The following PDE4D variants were observed in gnomAD, a reference collection of about 807,000 sequenced individuals.
PDE4D encodes the protein phosphodiesterase 4D, also known as 3',5'-cyclic-AMP phosphodiesterase 4D.
In PDE4D, 24 loss-of-function variants were observed where a neutral mutation model predicts 87.4. The observed-to-expected ratio is 0.27, with a 90% confidence interval of 0.20 to 0.39. The LOEUF (loss-of-function observed/expected upper bound fraction) is 0.39. PDE4D is among the 10% of genes least tolerant of loss of function. The probability of loss-of-function intolerance (pLI) is 1.00; values close to 1 mark genes in which losing one functional copy is unlikely to be tolerated. For missense variants in PDE4D, 714 were observed against 1,041.0 expected, an observed-to-expected ratio of 0.69 and a Z score of 4.32; for synonymous variants, 384 against 383.2, an observed-to-expected ratio of 1.00 and a Z score of -0.02.
At chr5:59,504,690 T>C (rs930872492) in intron 1 of PDE4D, among the ~76,000 whole-genome samples, 1 of 152,100 alleles carries the variant, frequency 6.6e-6, no homozygotes, top group Non-Finnish European at 1.5e-5. Flanking sequence ...CCTTTGGTGA[T>C]GGTGGGAAAT....
At chr5:60,031,994 T>G (rs1321661359) in intron 2 of PDE4D, among the ~76,000 whole-genome samples, 1 of 152,232 alleles carries the variant, frequency 6.6e-6, no homozygotes, top group Non-Finnish European at 1.5e-5. Context: ...AGCGCTTTAT[T>G]ATCAACTGGT....
At chr5:59,895,590 C>T (rs1349082073), upstream of PDE4D, among the ~76,000 whole-genome samples, 1 of 152,204 alleles carries the variant, frequency 6.6e-6, no homozygotes, top group African/African-American at 2.4e-5. Flanking sequence ...TTTTCCCAAA[C>T]ACAAAAGGAG....
chr5:59,494,094 A>G (rs901123287), intron 1 of PDE4D, among the ~76,000 whole-genome samples: 3 of 152,244 alleles, frequency 2.0e-5, no homozygotes, highest in Non-Finnish European at 4.4e-5. Flanking sequence ...TTGACAGTTT[A>G]TGCTGTGATA....
At chr5:59,706,076 T>A (rs298093) in intron 1 of PDE4D, among the ~76,000 whole-genome samples, 64,585 of 151,942 alleles carry the variant, frequency 0.43, 14,380 homozygotes, top group East Asian at 0.69. Flanking sequence ...TTCAGAGATT[T>A]TTTTATGTTT....
chr5:59,640,734 C>T (rs1361349259), intron 1 of PDE4D, among the ~76,000 whole-genome samples: 1 of 152,204 alleles, frequency 6.6e-6, no homozygotes. Context: ...AATATGTGTG[C>T]AATGCAAGCC....
At chr5:59,637,552 G>C (rs182214568) in intron 1 of PDE4D, among the ~76,000 whole-genome samples, 55 of 151,912 alleles carry the variant, frequency 3.6e-4, no homozygotes, top group African/African-American at 1.3e-3. Flanking sequence ...ATACACCATG[G>C]AATACTTTGC....
chr5:59,424,085 G>A (rs2153628557), intron 1 of PDE4D, among the ~76,000 whole-genome samples: 1 of 152,168 alleles, frequency 6.6e-6, no homozygotes, highest in East Asian at 1.9e-4. Context: ...CTGAGGGAGA[G>A]GAAGCACTTA....
chr5:60,107,030 G>A (rs1473450634), intron 2 of PDE4D, among the ~76,000 whole-genome samples: 1 of 151,876 alleles, frequency 6.6e-6, no homozygotes, highest in Non-Finnish European at 1.5e-5. Context: ...GAAGGAAATA[G>A]AGACACAAAA....
chr5:59,670,732 T>G (rs1044670146), intron 1 of PDE4D, among the ~76,000 whole-genome samples: 14 of 152,198 alleles, frequency 9.2e-5, no homozygotes, highest in African/African-American at 2.9e-4. Context: ...AATGTAATTA[T>G]AATAAAGTGG....
At chr5:60,309,851 T>A (rs1433695571) in intron 1 of PDE4D, among the ~76,000 whole-genome samples, 1 of 152,236 alleles carries the variant, frequency 6.6e-6, no homozygotes, top group East Asian at 1.9e-4. Context: ...GGCCAAATTA[T>A]TAAGCATAAG....
intron 1 of PDE4D, among the ~76,000 whole-genome samples, chr5:59,841,163 G>T (rs945413964): frequency 6.6e-6 from 1 of 152,050 alleles, no homozygotes; most frequent in Non-Finnish European, 1.5e-5. Flanking sequence ...AGGACAGTGG[G>T]GACTTCTAAG....
At chr5:59,656,685 C>T (rs1490965340) in intron 1 of PDE4D, among the ~76,000 whole-genome samples, 4 of 152,060 alleles carry the variant, frequency 2.6e-5, no homozygotes, top group Non-Finnish European at 5.9e-5. Flanking sequence ...AACTTTGAAA[C>T]GTCAGCATAT....
chr5:59,845,746 A>G (rs1052205022), intron 1 of PDE4D, among the ~76,000 whole-genome samples: 2 of 152,080 alleles, frequency 1.3e-5, no homozygotes, highest in African/African-American at 4.8e-5. Flanking sequence ...ATGGAACCTG[A>G]TTCTATATAC....
At chr5:59,446,256 A>G (rs138932327) in intron 1 of PDE4D, among the ~76,000 whole-genome samples, 2,399 of 152,224 alleles carry the variant, frequency 0.016, 81 homozygotes, top group African/African-American at 0.055. Context: ...TAATTTTAAC[A>G]CTTATAAGTG....
At chr5:59,170,800 A>T (rs986084253) in intron 5 of PDE4D, among the ~76,000 whole-genome samples, 3 of 152,098 alleles carry the variant, frequency 2.0e-5, no homozygotes, top group Admixed American at 2.0e-4. Flanking sequence ...TAGAATTCAC[A>T]CATTATTTAG....
intron 6 of PDE4D, among the ~76,000 whole-genome samples, chr5:59,013,657 C>T (rs1043670721): frequency 2.0e-5 from 3 of 152,052 alleles, no homozygotes; most frequent in Non-Finnish European, 4.4e-5. Flanking sequence ...TAATTAAGAG[C>T]CTACCAACCA....
chr5:59,756,434 G>C (rs1301009669), intron 1 of PDE4D, among the ~76,000 whole-genome samples: 1 of 151,434 alleles, frequency 6.6e-6, no homozygotes, highest in African/African-American at 2.4e-5. Context: ...TATTGTGACA[G>C]AATAATAAGA....
rs531186115 is a variant in PDE4D at position 60,472,809 on chromosome 5, A to G, written c.-90+15133T>C. On this transcript the variant is annotated intron_variant, in intron 1 of 16. Coordinates refer to the PDE4D transcript ENST00000502484. ...ATACTTTTTTCACTTTCAGTACAGT[A>G]TTCAATAAATTACATGAAATATTTA... 2.0e-5 allele frequency among the ~76,000 whole-genome samples: 3 copies of G among 152,300 alleles called. No individual in the cohort carries two copies. The East Asian group carries it at 5.8e-4, about 29-fold the overall frequency.
intron 5 of PDE4D, among the ~76,000 whole-genome samples, chr5:59,090,250 G>T (rs566467981): frequency 6.6e-6 from 1 of 152,210 alleles, no homozygotes; most frequent in African/African-American, 2.4e-5. Context: ...CTAGCCAGTT[G>T]CTAATAGTGA....
Sources: gnomAD v4.1 joint callset for allele counts (sites outside exome capture counted in the v4.1 genomes callset) on GRCh38, gnomAD v4.1.1 for gene constraint, MANE v1.5 for transcripts, NCBI Gene and HGNC (gene_info 2026-07-23, HGNC 2026-07-21) for gene names.